Variants in SOD2 observed in about 807,000 individuals in gnomAD.
SOD2 encodes the protein superoxide dismutase [Mn], mitochondrial.
In SOD2, 11 loss-of-function variants were observed where a neutral mutation model predicts 27.0. The ratio of observed to expected loss-of-function variants is 0.41; its 90% CI spans 0.26 to 0.67. The LOEUF is 0.67. Among genes scored for constraint, SOD2 ranks in the 30% least tolerant of loss-of-function variants. The pLI is 0.34. For synonymous variants in SOD2, 105 were observed against 103.0 expected (o/e 1.02, Z -0.12); for missense variants, 250 against 274.5 (o/e 0.91, Z 0.63).
At position 159,700,730 on chromosome 6, in the gene SOD2, A is replaced by C. The variant is rs1424697728; in HGVS notation, c.-115-7867T>G. Among the ~76,000 whole-genome samples, 2 of 151,958 alleles carry C rather than the reference A, an allele frequency of 1.3e-5. 1 individual carries two copies. The highest frequency in any genetic ancestry group is 3.9e-4 in the East Asian group (2 of 5,184). ...AACTCCCATTTTTTTGATGGCATGG[A>C]TAAGACTTAGTCTCTAAGTACTAAA... On this transcript the variant is annotated intron_variant, in intron 1 of 2. Coordinates refer to the SOD2 transcript ENST00000401980.
chr6:159,697,662 G>A (rs1323170828), upstream of SOD2, among the ~76,000 whole-genome samples: 1 of 152,164 alleles, frequency 6.6e-6, no homozygotes, highest in African/African-American at 2.4e-5. Flanking sequence ...AAAGGGAGTC[G>A]GCATCATTGA....
intron 1 of SOD2, among the ~76,000 whole-genome samples, chr6:159,732,886 AGTGTGTGTGTGT>A (rs67554039): frequency 0.033 from 4,861 of 146,468 alleles, 95 homozygotes; most frequent in Non-Finnish European, 0.05. Flanking sequence ...ATATATATAT[AGTGTGTGTGTGT>A]GTGTGTGTGT....
Position 159,692,722 on chromosome 6 carries a change from G to A in SOD2, c.165C>T (p.His55=), listed in dbSNP as rs370671213. 3 of 1,614,030 alleles carry A rather than the reference G, an allele frequency of 1.9e-6. No homozygotes were observed. Among genetic ancestry groups the A allele is most frequent in the East Asian group, 4.5e-5 (2 of 44,876 alleles). The part of the protein sequence containing the change: ...QIMQLHHSKH[H]AAYVNNLNVT... ...CGTTCAGGTTGTTCACGTAGGCCGC[G>A]TGGTGCTTGCTGTGGTGCAGCTGCA... is the stretch of plus-strand genomic sequence containing the variant. The change falls in exon 2 of 5, where the codon CAC becomes CAT. Residue 55 remains histidine, a synonymous_variant. Coordinates refer to ENST00000538183, the MANE Select transcript of SOD2 (RefSeq NM_000636.4).
At position 159,688,174 on chromosome 6, in the gene SOD2, T is replaced by A; in HGVS notation, c.295A>T (p.Ser99Cys). The change falls in exon 3 of 5, where the codon AGC becomes TGC. Residue 99 changes from serine (S) to cysteine (C), a missense_variant. By Grantham distance (112) the Ser-to-Cys change is moderately radical. Transcript: ENST00000538183. ...GGGCTGAGGTTTGTCCAGAAAATGC[T>A]ATGATTGATATGACCACCACCATTG... is the stretch of plus-strand genomic sequence containing the variant. ...KFNGGGHINH[S>C]IFWTNLSPNG... 1 of 1,613,910 alleles carries A rather than the reference T, an allele frequency of 6.2e-7. No individual in the cohort carries two copies. Among genetic ancestry groups the A allele is most frequent in the Non-Finnish European group, 8.5e-7 (1 of 1,179,764 alleles).
exon 1 of SOD2, chr6:159,762,119 T>C (rs1196228813): frequency 5.6e-6 from 9 of 1,612,630 alleles, no homozygotes; most frequent in Non-Finnish European, 7.6e-6. Context: ...GTGGTCATCG[T>C]CTCGGCGGCG....
rs5746119 is a variant in SOD2, at chr6:159,686,099, T to TA, written c.344-1067dup. On this transcript the variant is annotated intron_variant, in intron 3 of 4. Coordinates refer to ENST00000538183, the MANE Select transcript of SOD2 (RefSeq NM_000636.4). ...TATACTTTAAGAGCTGTAATCCTTT[T>TA]ATTCTGTAGTAATACAGAATATAAT... 4.7e-3 allele frequency among the ~76,000 whole-genome samples: 712 copies of TA among 152,322 alleles called. 7 individuals are homozygous for TA. Among genetic ancestry groups the TA allele is most frequent in the African/African-American group, 0.015 (630 of 41,566 alleles).
rs867156855 is a variant in SOD2 at position 159,743,607 on chromosome 6, A to G, written c.-116+1523T>C. ...GACCCTAGTTCTTATTGTTCTTGAC[A>G]GAGGTATTTAGAACTTGATCTTAAA... is the stretch of plus-strand genomic sequence containing the variant. On this transcript the variant is annotated intron_variant, in intron 1 of 3. Transcript: ENST00000537657. 2.1e-5 allele frequency: 32 copies of G among 1,491,778 alleles called. 2 individuals are homozygous for G. The South Asian group carries it at 2.6e-4, about 12-fold the overall frequency. The allele number at this position is 1,491,778 out of a possible 1,614,324, so 92.4% of individuals were successfully genotyped here. A position where few individuals can be genotyped will look rare whatever the true frequency, so the allele number is the denominator to read the frequency against.
chr6:159,672,261 G>T lies in SOD2; in HGVS notation c.*10232C>A, dbSNP rs554496786. On this transcript the variant is annotated 3_prime_UTR_variant, in exon 5 of 5. Transcript: ENST00000538183. ...AGAGAACGCCACAAAGATACTCCTCGAGAAGAGCAACTCCAAGACACATAA... is the reference window on the plus strand; with the variant it reads ...AGAGAACGCCACAAAGATACTCCTCTAGAAGAGCAACTCCAAGACACATAA... The T allele has an allele frequency of 6.6e-6, 1 of 152,078 alleles. No individual in the cohort carries two copies. Among genetic ancestry groups the T allele is most frequent in the East Asian group, 1.9e-4 (1 of 5,196 alleles). 9.4% of individuals were successfully genotyped at this position (152,078 alleles called of 1,614,324 possible).
chr6:159,675,111 T>C lies in SOD2; in HGVS notation c.*7382A>G, dbSNP rs1433548469. 1 of 152,132 alleles carries C rather than the reference T, an allele frequency of 6.6e-6. No individual in the cohort carries two copies. The highest frequency in any genetic ancestry group is 1.9e-4 in the East Asian group (1 of 5,194). 9.4% of individuals were successfully genotyped at this position (152,132 alleles called of 1,614,324 possible). A position where few individuals can be genotyped will look rare whatever the true frequency, so the allele number is the denominator to read the frequency against. On this transcript the variant is annotated 3_prime_UTR_variant, in exon 5 of 5. Transcript: ENST00000538183. ...GGAAATAAAAGAGGACACAAACAAA[T>C]GGAAGAACATTCCATGCTCATGGAT...
In SOD2 at chr6:159,679,500, G is replaced by C. The variant is rs377706964; in HGVS notation, c.*2993C>G. The stretch of plus-strand genomic sequence containing the variant: ...AATAGAAATTCAAATCTCACTTTAA[G>C]ACCATGAATTTCAAGTTGCAATGAA... On this transcript the variant is annotated 3_prime_UTR_variant, in exon 5 of 5. Transcript: ENST00000538183. The C allele has an allele frequency of 1.3e-5, 2 of 152,168 alleles. No homozygotes were observed. Among genetic ancestry groups the C allele is most frequent in the African/African-American group, 4.8e-5 (2 of 41,440 alleles). The allele number at this position is 152,168 out of a possible 1,614,324, so 9.4% of individuals were successfully genotyped here.
chr6:159,720,451 A>G (rs1194607339), intron 1 of SOD2: 1 of 153,126 alleles, frequency 6.5e-6, no homozygotes, highest in Non-Finnish European at 1.5e-5. Flanking sequence ...GCAAAGCTCT[A>G]GTTGATTTCG....
intron 1 of SOD2, chr6:159,739,148 C>G (rs754373925): frequency 2.3e-5 from 21 of 921,036 alleles, no homozygotes; most frequent in Non-Finnish European, 3.1e-5. Context: ...TAATGTTGTT[C>G]TATCCTCAAA....
At chr6:159,750,763 C>G (rs1000196404) in intron 1 of SOD2, among the ~76,000 whole-genome samples, 1 of 151,888 alleles carries the variant, frequency 6.6e-6, no homozygotes, top group African/African-American at 2.4e-5. Context: ...GGATTTTTTT[C>G]TATAAAATTG....
upstream of SOD2, among the ~76,000 whole-genome samples, chr6:159,727,988 C>A (rs1265905287): frequency 6.6e-6 from 1 of 152,262 alleles, no homozygotes; most frequent in Non-Finnish European, 1.5e-5. Context: ...AGGATGCCCT[C>A]CCCGGGCTGA....
upstream of SOD2, among the ~76,000 whole-genome samples, chr6:159,731,566 C>T (rs748378848): frequency 5.9e-5 from 9 of 152,184 alleles, no homozygotes; most frequent in South Asian, 1.4e-3. Context: ...TAGAAACAGT[C>T]GGGAGGACAG....
Position 159,692,806 on chromosome 6 carries a change from G to T in SOD2, c.81C>A (p.Ser27Arg), listed in dbSNP as rs200407278. The part of the protein sequence containing the change: ...LGYLGSRQKH[S>R]LPDLPYDYGA... Reference sequence around the variant, plus strand: ...CGTAGTCGTAGGGCAGGTCGGGGAGGCTGTGCTTCTGCCTGGAGCCCAGAT... The same window carrying T: ...CGTAGTCGTAGGGCAGGTCGGGGAGTCTGTGCTTCTGCCTGGAGCCCAGAT... Residue 27 changes from serine (S) to arginine (R), a missense_variant, in exon 2 of 5, where the codon AGC becomes AGA. Transcript: ENST00000538183. 2.1e-4 allele frequency: 339 copies of T among 1,613,948 alleles called. No homozygotes were observed. The East Asian group carries it at 2.8e-3, about 13-fold the overall frequency.
intron 1 of SOD2, chr6:159,736,316 T>A: frequency 1.9e-6 from 3 of 1,596,978 alleles, no homozygotes; most frequent in Non-Finnish European, 2.6e-6. Context: ...TGGTTTTGGG[T>A]TTTTTTGTTT....
intron 1 of SOD2, among the ~76,000 whole-genome samples, chr6:159,722,078 G>GA (rs1210641322): frequency 1.7e-3 from 261 of 149,468 alleles, no homozygotes; most frequent in African/African-American, 5.7e-3. Context: ...AAAAAAAAAA[G>GA]AAAAAAAAAG....
rs2114742622 is a variant in SOD2 at position 159,669,835 on chromosome 6, G to A, written c.*12658C>T. 1 of 152,218 alleles carries A rather than the reference G, an allele frequency of 6.6e-6. No homozygotes were observed. The highest frequency in any genetic ancestry group is 2.4e-5 in the African/African-American group (1 of 41,528). The allele number at this position is 152,218 out of a possible 1,614,324, so 9.4% of individuals were successfully genotyped here. A position where few individuals can be genotyped will look rare whatever the true frequency, so the allele number is the denominator to read the frequency against. ...TTCTCCATACCTTCACTTTTGGCCT[G>A]TCTTTACAGGTGAGGTTTCTTGTAG... is the stretch of plus-strand genomic sequence containing the variant. On this transcript the variant is annotated 3_prime_UTR_variant, in exon 5 of 5. Transcript: ENST00000538183.
Sources: allele counts gnomAD v4.1 joint callset (sites outside exome capture counted in the v4.1 genomes callset), GRCh38; gene constraint gnomAD v4.1.1; transcripts MANE v1.5; gene names NCBI Gene and HGNC (gene_info 2026-07-23, HGNC 2026-07-21).